DCC: variants seen among roughly 807,000 people sequenced by gnomAD.
The protein encoded by DCC is netrin receptor DCC.
A neutral mutation model predicts 172.5 loss-of-function variants in DCC; 58 were observed. The ratio of observed to expected loss-of-function variants is 0.34; its 90% CI spans 0.27 to 0.42. DCC has a LOEUF of 0.42. Among genes scored for constraint, DCC ranks in the 10% least tolerant of loss-of-function variants. The pLI, the probability that DCC is intolerant of heterozygous loss-of-function variation, is 1.00. For missense variants in DCC, 1,740 were observed against 1,791.0 expected, an observed-to-expected ratio of 0.97 and a Z score of 0.51; for synonymous variants, 709 against 644.5, an observed-to-expected ratio of 1.10 and a Z score of -1.52.
intron 21 of DCC, among the ~76,000 whole-genome samples, chr18:53,431,894 G>C (rs1911643415): frequency 6.6e-6 from 1 of 152,044 alleles, no homozygotes; most frequent in South Asian, 2.1e-4. Context: ...AACTTTATTT[G>C]AGGGAAGAAA....
chr18:52,747,212 A>T (rs1345420540), intron 1 of DCC, among the ~76,000 whole-genome samples: 6 of 152,158 alleles, frequency 3.9e-5, no homozygotes, highest in Admixed American at 3.9e-4. Flanking sequence ...AATGGATGAG[A>T]TTTGGGAACT....
chr18:52,709,827 G>A (rs1365965373), intron 1 of DCC, among the ~76,000 whole-genome samples: 1 of 152,138 alleles, frequency 6.6e-6, no homozygotes, highest in Non-Finnish European at 1.5e-5. Context: ...CTGTATAAAT[G>A]GATAATGTAT....
chr18:53,261,451 G>C (rs1364423676), intron 12 of DCC, among the ~76,000 whole-genome samples: 1 of 152,120 alleles, frequency 6.6e-6, no homozygotes, highest in Non-Finnish European at 1.5e-5. Flanking sequence ...TTTCAATAAG[G>C]AGCTGGGTCA....
intron 5 of DCC, among the ~76,000 whole-genome samples, chr18:52,929,817 A>AACACACACACACACACACACACACAC (rs34457182): frequency 2.8e-5 from 4 of 144,790 alleles, no homozygotes; most frequent in African/African-American, 5.1e-5. Context: ...GGACTTTGCA[A>AACACACACACACACACACACACACAC]ACACACACAC....
At position 52,420,594 on chromosome 18, in the gene DCC, A is replaced by T. The variant is rs539896499; in HGVS notation, c.91+79716A>T. Among the ~76,000 whole-genome samples, 3 of 152,206 alleles carry T rather than the reference A, an allele frequency of 2.0e-5. No individual in the cohort carries two copies. The South Asian group carries it at 6.2e-4, about 32-fold the overall frequency. Reference sequence around the variant, plus strand: ...GTCATCAGAAGAAATGAACACGTGAAATCAATGACCCAGACAAGGCCAGAA... The same window carrying T: ...GTCATCAGAAGAAATGAACACGTGATATCAATGACCCAGACAAGGCCAGAA... On this transcript the variant is annotated intron_variant, in intron 1 of 28. Transcript: ENST00000442544.
chr18:52,580,147 C>G (rs1261642869), intron 1 of DCC, among the ~76,000 whole-genome samples: 1 of 152,174 alleles, frequency 6.6e-6, no homozygotes, highest in Non-Finnish European at 1.5e-5. Flanking sequence ...AAGAGTGGAC[C>G]ATGTGCCTGG....
intron 7 of DCC, among the ~76,000 whole-genome samples, chr18:53,069,177 T>C (rs570687365): frequency 2.6e-5 from 4 of 151,984 alleles, no homozygotes; most frequent in Non-Finnish European, 4.4e-5. Flanking sequence ...ACAAGGAAAA[T>C]TGATAAACAG....
chr18:53,502,196 T>TTTGA (rs1251129154), intron 27 of DCC, among the ~76,000 whole-genome samples: 2 of 152,160 alleles, frequency 1.3e-5, no homozygotes, highest in African/African-American at 2.4e-5. Flanking sequence ...AGAGTTTTTG[T>TTTGA]TTGATTTTAT....
chr18:52,927,191 A>ATATATGTGTATATATACG (rs2040231161), intron 5 of DCC, among the ~76,000 whole-genome samples: 7 of 146,940 alleles, frequency 4.8e-5, no homozygotes, highest in African/African-American at 1.8e-4. Context: ...ATATATACGT[A>ATATATGTGTATATATACG]TATATAGGTG....
At chr18:53,487,311 T>C (rs2045912812) in intron 26 of DCC, among the ~76,000 whole-genome samples, 3 of 152,244 alleles carry the variant, frequency 2.0e-5, no homozygotes, top group Admixed American at 2.0e-4. Flanking sequence ...TTGGTATCTG[T>C]TGGTTATGTC....
intron 7 of DCC, among the ~76,000 whole-genome samples, chr18:53,130,117 G>A (rs974449264): frequency 3.3e-5 from 5 of 151,998 alleles, no homozygotes; most frequent in South Asian, 2.1e-4. Flanking sequence ...TGTAGGAAGC[G>A]TTCCTCAGAT....
intron 1 of DCC, among the ~76,000 whole-genome samples, chr18:52,351,860 A>C (rs1355006308): frequency 6.6e-6 from 1 of 152,198 alleles, no homozygotes; most frequent in Non-Finnish European, 1.5e-5. Flanking sequence ...GTTCATTTAG[A>C]AGTCATTGAG....
chr18:52,981,115 T>C (rs2041202215), intron 5 of DCC, among the ~76,000 whole-genome samples: 1 of 152,120 alleles, frequency 6.6e-6, no homozygotes, highest in Admixed American at 6.5e-5. Flanking sequence ...CAAACATTCC[T>C]TGAAAATATC....
Position 52,837,053 on chromosome 18 carries a change from A to G in DCC, c.413-68991A>G, listed in dbSNP as rs539981214. On this transcript the variant is annotated intron_variant, in intron 2 of 28. Coordinates refer to ENST00000442544, the MANE Select transcript of DCC (RefSeq NM_005215.4). ...CTTGGGGCTTGCATATTCTGATGCC[A>G]TGGCCCAAGCTGTACCGTAGCCCCT... 6.6e-5 allele frequency among the ~76,000 whole-genome samples: 10 copies of G among 152,320 alleles called. 1 individual carries two copies. The highest frequency in any genetic ancestry group is 2.4e-4 in the African/African-American group (10 of 41,580).
At chr18:53,148,336 G>T (rs1216515128) in intron 7 of DCC, among the ~76,000 whole-genome samples, 3 of 152,184 alleles carry the variant, frequency 2.0e-5, no homozygotes, top group Non-Finnish European at 2.9e-5. Context: ...GAGGGGAGCT[G>T]TCACAGCCTG....
Position 53,309,962 on chromosome 18 carries a change from G to GTATATATATATATATATATA in DCC, c.2053+4244_2053+4245insATATATATATATATATATAT, listed in dbSNP as rs5825007. ...TATATATACATGTATATATACGTGT[G>GTATATATATATATATATATA]TGTATATATATATATATATACTCTT... On this transcript the variant is annotated intron_variant, in intron 13 of 28. Transcript: ENST00000442544. Among the ~76,000 whole-genome samples the GTATATATATATATATATATA allele has an allele frequency of 4.1e-4, 54 of 133,280 alleles. 1 individual carries two copies. Among genetic ancestry groups the GTATATATATATATATATATA allele is most frequent in the African/African-American group, 1.2e-3 (42 of 34,550 alleles). The allele number at this position is 133,280 out of a possible 152,430, so 87.4% of individuals were successfully genotyped here. A position where few individuals can be genotyped will look rare whatever the true frequency, so the allele number is the denominator to read the frequency against.
At chr18:52,848,745 C>T (rs1196570263) in intron 2 of DCC, among the ~76,000 whole-genome samples, 1 of 152,044 alleles carries the variant, frequency 6.6e-6, no homozygotes, top group Admixed American at 6.6e-5. Context: ...TGGAATTATC[C>T]ATCTTTCTCT....
At chr18:53,270,790 C>A (rs947442301) in intron 12 of DCC, among the ~76,000 whole-genome samples, 9 of 152,088 alleles carry the variant, frequency 5.9e-5, no homozygotes, top group African/African-American at 1.9e-4. Context: ...CATCTTATGG[C>A]ATGATTTTAA....
chr18:52,948,387 GAATGATATTGAAC>G (rs751373258), intron 5 of DCC, among the ~76,000 whole-genome samples: 20 of 151,958 alleles, frequency 1.3e-4, no homozygotes, highest in Non-Finnish European at 2.5e-4. Context: ...CTATCATTAT[GAATGATATTGAAC>G]AATGATATTG....
Sources: allele counts gnomAD v4.1 joint callset (sites outside exome capture counted in the v4.1 genomes callset), GRCh38; gene constraint gnomAD v4.1.1; transcripts MANE v1.5; gene names NCBI Gene and HGNC (gene_info 2026-07-23, HGNC 2026-07-21).